The following PHLDB2 variants were observed in gnomAD, a reference collection of about 807,000 sequenced individuals.
PHLDB2 encodes pleckstrin homology-like domain family B member 2.
In PHLDB2, 71 loss-of-function variants were observed where a neutral mutation model predicts 123.6. The ratio of observed to expected loss-of-function variants is 0.57; its 90% CI spans 0.47 to 0.70. The LOEUF (loss-of-function observed/expected upper bound fraction) is 0.70. PHLDB2 is among the 30% of genes least tolerant of loss of function. The pLI, the probability that PHLDB2 is intolerant of heterozygous loss-of-function variation, is 0.00. For missense variants in PHLDB2, 1,446 were observed against 1,519.5 expected, an observed-to-expected ratio of 0.95 and a Z score of 0.80; for synonymous variants, 547 against 541.6, an observed-to-expected ratio of 1.01 and a Z score of -0.14.
Position 111,953,045 on chromosome 3 carries a change from C to G in PHLDB2, c.2772+333C>G, listed in dbSNP as rs1391908063. ...CTCTGTGTTCCAGGAATAACAGCAA[C>G]AAATATTTATTCAGACATTTTCATG... On this transcript the variant is annotated intron_variant, in intron 11 of 17. Transcript: ENST00000431670. Among the ~76,000 whole-genome samples the G allele has an allele frequency of 3.3e-5, 5 of 152,280 alleles. 1 individual carries two copies. In the South Asian group the frequency reaches 1.0e-3, roughly 32 times the overall value.
At chr3:111,831,026 A>AAAGAAAGAAAGAAAGAAAGAAAGAAAGG (rs2062994514) in intron 1 of PHLDB2, among the ~76,000 whole-genome samples, 2 of 78,684 alleles carry the variant, frequency 2.5e-5, no homozygotes, top group African/African-American at 7.4e-5. Flanking sequence ...AGAAAGAAAG[A>AAAGAAAGAAAGAAAGAAAGAAAGAAAGG]AAGAAAGGAA....
At chr3:111,866,014 A>ATTTTTTTTTTT (rs61038523) in intron 1 of PHLDB2, among the ~76,000 whole-genome samples, 1,029 of 57,384 alleles carry the variant, frequency 0.018, 219 homozygotes, top group Middle Eastern at 0.028. Flanking sequence ...CCACCCACTC[A>ATTTTTTTTTTT]TTTTTTTTTT....
rs1365936189 is a variant in PHLDB2 at position 111,975,461 on chromosome 3, T to G, written c.*898T>G. 6.6e-6 allele frequency: 1 copy of G among 152,212 alleles called. No individual in the cohort carries two copies. The highest frequency in any genetic ancestry group is 1.9e-4 in the East Asian group (1 of 5,200). The allele number at this position is 152,212 out of a possible 1,614,324, so 9.4% of individuals were successfully genotyped here. Reference sequence around the variant, plus strand: ...AACCAGTAGCCAATGTCCTTTAGATTGTCTGATTTCTTTTTGTTGTGGAGC... The same window carrying G: ...AACCAGTAGCCAATGTCCTTTAGATGGTCTGATTTCTTTTTGTTGTGGAGC... On this transcript the variant is annotated 3_prime_UTR_variant, in exon 18 of 18. Coordinates refer to ENST00000431670, the MANE Select transcript of PHLDB2 (RefSeq NM_001134438.2).
intron 1 of PHLDB2, among the ~76,000 whole-genome samples, chr3:111,764,963 T>C (rs2060055632): frequency 6.6e-6 from 1 of 152,208 alleles, no homozygotes; most frequent in Non-Finnish European, 1.5e-5. Context: ...AGAGGAATTG[T>C]AGAATCACAG....
intron 1 of PHLDB2, among the ~76,000 whole-genome samples, chr3:111,755,902 A>G (rs1224428779): frequency 2.0e-5 from 3 of 151,160 alleles, no homozygotes; most frequent in Non-Finnish European, 4.4e-5. Context: ...CCTTCATTTC[A>G]TTATGTACCC....
intron 1 of PHLDB2, among the ~76,000 whole-genome samples, chr3:111,860,861 A>C (rs773975856): frequency 5.9e-5 from 9 of 152,212 alleles, no homozygotes; most frequent in Admixed American, 1.3e-4. Context: ...ACGAGGCATA[A>C]AAATGTGGAG....
At chr3:111,927,622 GACAA>G (rs2068886891) in intron 5 of PHLDB2, among the ~76,000 whole-genome samples, 1 of 152,146 alleles carries the variant, frequency 6.6e-6, no homozygotes, top group Non-Finnish European at 1.5e-5. Flanking sequence ...TTGCATTTCC[GACAA>G]ACAGAATCAT....
At chr3:111,804,185 T>C (rs2061485654) in intron 1 of PHLDB2, among the ~76,000 whole-genome samples, 1 of 152,138 alleles carries the variant, frequency 6.6e-6, no homozygotes, top group Non-Finnish European at 1.5e-5. Context: ...AGTAAGAAAA[T>C]GTTAAACCCC....
At chr3:111,868,489 C>T (rs2065189945) in intron 1 of PHLDB2, among the ~76,000 whole-genome samples, 1 of 152,058 alleles carries the variant, frequency 6.6e-6, no homozygotes, top group Non-Finnish European at 1.5e-5. Context: ...CTTCCTCCCA[C>T]CCCTGGGGAC....
intron 1 of PHLDB2, among the ~76,000 whole-genome samples, chr3:111,869,464 GA>G (rs368724303): frequency 2.0e-3 from 11 of 5,504 alleles, no homozygotes; most frequent in East Asian, 0.024. Context: ...TCAAAAAAAA[GA>G]AAAAAAAAAG....
At chr3:111,889,389 A>C (rs781090235) in intron 2 of PHLDB2, among the ~76,000 whole-genome samples, 3 of 149,288 alleles carry the variant, frequency 2.0e-5, no homozygotes, top group Non-Finnish European at 4.5e-5. Context: ...TTATCAAATC[A>C]GGTCTTTTTT....
chr3:111,894,529 A>G (rs1264958268), intron 2 of PHLDB2, among the ~76,000 whole-genome samples: 1 of 151,934 alleles, frequency 6.6e-6, no homozygotes, highest in African/African-American at 2.4e-5. Flanking sequence ...TCCCACCAAC[A>G]GTGTAAAAGT....
chr3:111,831,561 G>A (rs531625862), intron 1 of PHLDB2, among the ~76,000 whole-genome samples: 1 of 152,216 alleles, frequency 6.6e-6, no homozygotes, highest in Non-Finnish European at 1.5e-5. Flanking sequence ...AATACCCCAT[G>A]TGGGATCCAT....
intron 1 of PHLDB2, among the ~76,000 whole-genome samples, chr3:111,871,634 A>G (rs1188716044): frequency 6.6e-6 from 1 of 151,170 alleles, no homozygotes; most frequent in Non-Finnish European, 1.5e-5. Context: ...AGCCTGGGTG[A>G]CAGACCCTGT....
chr3:111,971,555 A>ACTGG (rs2072183742), intron 16 of PHLDB2, among the ~76,000 whole-genome samples: 1 of 152,178 alleles, frequency 6.6e-6, no homozygotes, highest in African/African-American at 2.4e-5. Context: ...TTATGATATA[A>ACTGG]CTGGCTGGTG....
At chr3:111,774,771 A>G (rs2060237661) in intron 1 of PHLDB2, among the ~76,000 whole-genome samples, 1 of 152,176 alleles carries the variant, frequency 6.6e-6, no homozygotes, top group South Asian at 2.1e-4. Flanking sequence ...AGGGTTGCCA[A>G]ACCTATCCCT....
chr3:111,901,538 A>C (rs1024756262), intron 2 of PHLDB2, among the ~76,000 whole-genome samples: 2 of 150,058 alleles, frequency 1.3e-5, no homozygotes, highest in African/African-American at 4.9e-5. Context: ...TTTTTAAAGG[A>C]TAGGATATGT....
chr3:111,840,549 T>C (rs1277074523), intron 1 of PHLDB2, among the ~76,000 whole-genome samples: 1 of 152,134 alleles, frequency 6.6e-6, no homozygotes, highest in Non-Finnish European at 1.5e-5. Flanking sequence ...CATACCACTT[T>C]TAGGAGAACA....
intron 3 of PHLDB2, 58 bp from the exon 4 acceptor site, chr3:111,919,014 G>T: frequency 1.3e-6 from 2 of 1,578,526 alleles, no homozygotes; most frequent in Admixed American, 3.3e-5. Flanking sequence ...TACAAGTCAA[G>T]TTGGGAAATT....
Sources: gnomAD v4.1 joint callset for allele counts (sites outside exome capture counted in the v4.1 genomes callset) on GRCh38, gnomAD v4.1.1 for gene constraint, MANE v1.5 for transcripts, NCBI Gene and HGNC (gene_info 2026-07-23, HGNC 2026-07-21) for gene names.